Variants in VPS35L observed in about 807,000 individuals in gnomAD.
VPS35L encodes the protein VPS35 endosomal protein sorting factor like.
A neutral mutation model predicts 133.0 loss-of-function variants in VPS35L; 83 were observed. The observed-to-expected ratio is 0.62, with a 90% confidence interval of 0.52 to 0.75. VPS35L has a LOEUF of 0.75. Ranked by LOEUF, VPS35L falls within the 30% of genes least tolerant of loss-of-function variation. The pLI is 0.00. For synonymous variants in VPS35L, 423 were observed against 449.9 expected (o/e 0.94, Z 0.76); for missense variants, 1,083 against 1,206.8 (o/e 0.90, Z 1.52).
At chr16:19,665,305 C>T (rs1295143354) in intron 26 of VPS35L, among the ~76,000 whole-genome samples, 1 of 152,112 alleles carries the variant, frequency 6.6e-6, no homozygotes, top group East Asian at 1.9e-4. Context: ...ACGCAGTAAC[C>T]ATTCCCACTC....
Position 19,699,308 on chromosome 16 carries a change from G to A in VPS35L, c.2647-194G>A. ...CTGAATCCCCGCCCTTTGCAGGGGT[G>A]ACCTTACTGTCACTTACAGATGAAG... On this transcript the variant is annotated intron_variant, in intron 29 of 30. Coordinates refer to ENST00000417362, the MANE Select transcript of VPS35L (RefSeq NM_020314.7). This position sits in a 1 kb window ranked among gnomAD's most constrained non-coding sequence, Gnocchi z 4.2. The A allele has an allele frequency of 5.0e-6, 3 of 602,298 alleles. No homozygotes were observed. The highest frequency in any genetic ancestry group is 2.0e-5 in the South Asian group (1 of 49,096). The allele number at this position is 602,298 out of a possible 1,614,324, so 37.3% of individuals were successfully genotyped here. A position where few individuals can be genotyped will look rare whatever the true frequency, so the allele number is the denominator to read the frequency against.
intron 6 of VPS35L, 193 bp downstream of exon 6, chr16:19,579,321 G>T: frequency 1.8e-6 from 1 of 544,684 alleles, no homozygotes; most frequent in Non-Finnish European, 3.3e-6. Flanking sequence ...GCCTGACTGG[G>T]GCTGCTTTTC....
intron 10 of VPS35L, 122 bp downstream of exon 10, chr16:19,608,396 G>T (rs922939554): frequency 2.7e-6 from 2 of 750,092 alleles, no homozygotes; most frequent in South Asian, 3.4e-5. Flanking sequence ...TCCCGTTACG[G>T]TTGCTAGCCT....
intron 29 of VPS35L, 27 bp downstream of exon 29, chr16:19,691,498 CGCCCCTT>C (rs1975685241): frequency 1.3e-6 from 2 of 1,556,598 alleles, no homozygotes; most frequent in African/African-American, 2.7e-5. Flanking sequence ...GTCCTCCACC[CGCCCCTT>C]GCTCTGAAAG....
At chr16:19,644,344 C>T (rs892647971) in intron 22 of VPS35L, among the ~76,000 whole-genome samples, 5 of 152,184 alleles carry the variant, frequency 3.3e-5, no homozygotes, top group African/African-American at 9.6e-5. Flanking sequence ...GGCAGGATTT[C>T]GATGGTGTAT....
chr16:19,601,136 C>T (rs1454188434), intron 8 of VPS35L, among the ~76,000 whole-genome samples: 2 of 152,078 alleles, frequency 1.3e-5, no homozygotes, highest in Non-Finnish European at 2.9e-5. Flanking sequence ...ACAGTGTTGC[C>T]CAGGCTGCTC....
At chr16:19,641,301 A>G (rs1973780833) in intron 21 of VPS35L, among the ~76,000 whole-genome samples, 2 of 151,850 alleles carry the variant, frequency 1.3e-5, no homozygotes, top group South Asian at 4.2e-4. Flanking sequence ...TCCTGGCCTC[A>G]AGTGATCCAC....
chr16:19,575,061 G>A (rs368006749), intron 4 of VPS35L, 37 bp from the exon 5 acceptor site: 12 of 1,553,468 alleles, frequency 7.7e-6, no homozygotes, highest in African/African-American at 5.5e-5. Flanking sequence ...TACTGCCTTC[G>A]ATTTTTAAAA....
intron 10 of VPS35L, 63 bp from the exon 11 acceptor site, chr16:19,608,911 G>A (rs377458759): frequency 6.8e-7 from 1 of 1,470,996 alleles, no homozygotes; most frequent in Non-Finnish European, 9.5e-7. Context: ...GGATAGTTTA[G>A]TCTTTTCTCC....
intron 9 of VPS35L, among the ~76,000 whole-genome samples, chr16:19,606,582 A>G (rs1033303875): frequency 6.6e-6 from 1 of 152,184 alleles, no homozygotes; most frequent in African/African-American, 2.4e-5. Context: ...GTTCTCTGCT[A>G]GAGAAGTACC....
intron 12 of VPS35L, among the ~76,000 whole-genome samples, chr16:19,614,067 G>A (rs1262430643): frequency 6.6e-6 from 1 of 152,114 alleles, no homozygotes; most frequent in Non-Finnish European, 1.5e-5. Flanking sequence ...TTAAAGGAAG[G>A]TATGATTAAC....
chr16:19,667,218 T>C (rs1178676304), intron 26 of VPS35L, among the ~76,000 whole-genome samples: 2 of 151,954 alleles, frequency 1.3e-5, no homozygotes, highest in Admixed American at 6.6e-5. Flanking sequence ...CCCACTGGCC[T>C]CCCAAAGTGC....
chr16:19,684,692 TA>T (rs1399378203), intron 28 of VPS35L, among the ~76,000 whole-genome samples: 1 of 152,146 alleles, frequency 6.6e-6, no homozygotes, highest in Non-Finnish European at 1.5e-5. Flanking sequence ...GGGCTTCCGG[TA>T]GTTAGTGATG....
chr16:19,684,355 A>C (rs1975386084), intron 28 of VPS35L, among the ~76,000 whole-genome samples: 2 of 152,272 alleles, frequency 1.3e-5, no homozygotes, highest in South Asian at 4.2e-4. Context: ...TGTATACTTT[A>C]CAGTTAAAAA....
chr16:19,651,909 A>T, intron 25 of VPS35L, 67 bp from the exon 26 acceptor site: 1 of 1,127,052 alleles, frequency 8.9e-7, no homozygotes, highest in South Asian at 1.3e-5. Context: ...TACATGAGGG[A>T]TGAAAACAGG....
intron 14 of VPS35L, among the ~76,000 whole-genome samples, chr16:19,623,597 A>G (rs1423870961): frequency 1.3e-5 from 2 of 152,038 alleles, no homozygotes; most frequent in African/African-American, 4.8e-5. Flanking sequence ...AGGGATTCCA[A>G]CAGTATCTCC....
At chr16:19,612,292 T>C (rs896028666) in intron 12 of VPS35L, among the ~76,000 whole-genome samples, 2 of 151,542 alleles carry the variant, frequency 1.3e-5, no homozygotes, top group Non-Finnish European at 2.9e-5. Context: ...CTCACTCTGT[T>C]GCCCAGGCTG....
At chr16:19,666,927 TCTTTCTTCCTTTCTTC>T (rs1555506168) in intron 26 of VPS35L, among the ~76,000 whole-genome samples, 1 of 62,940 alleles carries the variant, frequency 1.6e-5, no homozygotes, top group East Asian at 4.3e-4. Context: ...TTTCTTTCTT[TCTTTCTTCCTTTCTTC>T]CTTTCTTCCT....
At chr16:19,610,218 C>T (rs1334948949) in intron 11 of VPS35L, 104 bp from the exon 12 acceptor site, 6 of 951,454 alleles carry the variant, frequency 6.3e-6, no homozygotes, top group African/African-American at 4.9e-5. Flanking sequence ...TTGATTTTTC[C>T]CCCCCTCCCT....
Sources: gnomAD v4.1 joint callset for allele counts (sites outside exome capture counted in the v4.1 genomes callset) on GRCh38, gnomAD v4.1.1 for gene constraint, Gnocchi (gnomAD v3.1) non-coding constraint, MANE v1.5 for transcripts, NCBI Gene and HGNC (gene_info 2026-07-23, HGNC 2026-07-21) for gene names.